Variants in ZNF589 observed in about 807,000 individuals in gnomAD.
ZNF589 encodes zinc finger protein 589.
In ZNF589, 17 loss-of-function variants were observed where a neutral mutation model predicts 13.6. The observed-to-expected ratio is 1.25, with a 90% CI of 0.86 to 1.88. The LOEUF (loss-of-function observed/expected upper bound fraction) is 1.88, where lower values mean the gene tolerates loss of function less well. Ranked by LOEUF, ZNF589 falls within the 40% of genes most tolerant of loss-of-function variation. The pLI, the probability that ZNF589 is intolerant of heterozygous loss-of-function variation, is 0.00. For missense variants in ZNF589, 407 were observed against 434.0 expected (o/e 0.94, Z 0.55); for synonymous variants, 148 against 161.6 (o/e 0.92, Z 0.64).
chr3:48,247,225 C>T (rs565907138), intron 1 of ZNF589, among the ~76,000 whole-genome samples: 5 of 151,766 alleles, frequency 3.3e-5, no homozygotes, highest in South Asian at 2.1e-4. Context: ...CTGCCTGCCT[C>T]GGCCTCCCAA....
At chr3:48,257,900 T>G (rs1420455790) in intron 2 of ZNF589, 1 of 436,980 alleles carries the variant, frequency 2.3e-6, no homozygotes, top group Non-Finnish European at 4.5e-6. Flanking sequence ...GGTTCTCTTC[T>G]ATTGATCTGT....
Position 48,269,205 on chromosome 3 carries a change from G to T in ZNF589, c.*419G>T. The T allele has an allele frequency of 7.5e-7, 1 of 1,325,432 alleles. No individual in the cohort carries two copies. Among genetic ancestry groups the T allele is most frequent in the Non-Finnish European group, 1.1e-6 (1 of 938,372 alleles). 82.1% of individuals were successfully genotyped at this position (1,325,432 alleles called of 1,614,324 possible). A position where few individuals can be genotyped will look rare whatever the true frequency, so the allele number is the denominator to read the frequency against. On this transcript the variant is annotated 3_prime_UTR_variant, in exon 4 of 4. Transcript: ENST00000354698. The stretch of plus-strand genomic sequence containing the variant: ...GAGAAGCCTTATGCATGCACGGAGT[G>T]TGGGCAAGGCTTTATCACGAAATCA...
rs1264996909 is a variant in ZNF589 at position 48,270,249 on chromosome 3, A to C, written c.*1463A>C. 2 of 457,200 alleles carry C rather than the reference A, an allele frequency of 4.4e-6. No homozygotes were observed. The highest frequency in any genetic ancestry group is 4.7e-5 in the Admixed American group (2 of 42,580). 28.3% of individuals were successfully genotyped at this position (457,200 alleles called of 1,614,324 possible). A position where few individuals can be genotyped will look rare whatever the true frequency, so the allele number is the denominator to read the frequency against. On this transcript the variant is annotated 3_prime_UTR_variant, in exon 4 of 4. Coordinates refer to ENST00000354698, the MANE Select transcript of ZNF589 (RefSeq NM_016089.3). ...GACACCTTTACCAGGTCCCCTTCCT[A>C]ACCCTCCAGTCCCAAATCCAAGATT...
In ZNF589 at chr3:48,270,197, T is replaced by G. The variant is rs1352528238; in HGVS notation, c.*1411T>G. 2.2e-6 allele frequency: 1 copy of G among 457,118 alleles called. No individual in the cohort carries two copies. Among genetic ancestry groups the G allele is most frequent in the Non-Finnish European group, 4.4e-6 (1 of 227,086 alleles). 28.3% of individuals were successfully genotyped at this position (457,118 alleles called of 1,614,324 possible). A position where few individuals can be genotyped will look rare whatever the true frequency, so the allele number is the denominator to read the frequency against. ...CCCCACCTTTAGATTTTACTCAGAGTTCAGTCTCCAGCCCTACAATCTGAG... is the reference window on the plus strand; with the variant it reads ...CCCCACCTTTAGATTTTACTCAGAGGTCAGTCTCCAGCCCTACAATCTGAG... On this transcript the variant is annotated 3_prime_UTR_variant, in exon 4 of 4. Coordinates refer to ENST00000354698, the MANE Select transcript of ZNF589 (RefSeq NM_016089.3).
At chr3:48,258,153 T>C (rs1168939720) in intron 2 of ZNF589, among the ~76,000 whole-genome samples, 1 of 152,204 alleles carries the variant, frequency 6.6e-6, no homozygotes, top group African/African-American at 2.4e-5. Context: ...TTCCAACCCA[T>C]GAACGTGCTT....
At position 48,268,625 on chromosome 3, in the gene ZNF589, G is replaced by A; in HGVS notation, c.934G>A (p.Gly312Ser). 1.9e-6 allele frequency: 3 copies of A among 1,613,986 alleles called. No homozygotes were observed. The highest frequency in any genetic ancestry group is 1.7e-6 in the Non-Finnish European group (2 of 1,180,004). The change falls in exon 4 of 4, where the codon GGC (glycine) becomes AGC (serine). Residue 312 changes from glycine to serine, a missense_variant. Physicochemically the swap from Gly to Ser is moderately conservative, Grantham distance 56 (BLOSUM62 0). Transcript: ENST00000354698. ...KPYVCSHCGR[G>S]FSCKPYLIRH... is the part of the protein sequence containing the mutation. ...TTATGTGTGCAGCCATTGTGGGCGA[G>A]GCTTTAGCTGCAAGCCATACCTCAT...
chr3:48,268,611 G>A lies in ZNF589; in HGVS notation c.920G>A (p.Ser307Asn). ...TCCGGGGAGAAACCTTATGTGTGCA[G>A]CCATTGTGGGCGAGGCTTTAGCTGC... ...THSGEKPYVC[S>N]HCGRGFSCKP... Residue 307 changes from serine to asparagine, a missense_variant, in exon 4 of 4, where the codon AGC becomes AAC. Coordinates refer to ENST00000354698, the MANE Select transcript of ZNF589 (RefSeq NM_016089.3). 6.2e-7 allele frequency: 1 copy of A among 1,613,894 alleles called. No individual in the cohort carries two copies. Among genetic ancestry groups the A allele is most frequent in the Non-Finnish European group, 8.5e-7 (1 of 1,179,992 alleles).
chr3:48,268,983 T>C lies in ZNF589; in HGVS notation c.*197T>C. On this transcript the variant is annotated 3_prime_UTR_variant, in exon 4 of 4. Transcript: ENST00000354698. ...CATGGATTTAGCCAGAAGTCGTCGC[T>C]CAAATCACATCGGAGAACACACTCA... is the stretch of plus-strand genomic sequence containing the variant. 1.2e-6 allele frequency: 1 copy of C among 816,400 alleles called. No homozygotes were observed. The highest frequency in any genetic ancestry group is 1.9e-6 in the Non-Finnish European group (1 of 513,526). 50.6% of individuals were successfully genotyped at this position (816,400 alleles called of 1,614,324 possible).
intron 3 of ZNF589, among the ~76,000 whole-genome samples, chr3:48,264,726 G>A (rs2034001929): frequency 6.6e-6 from 1 of 152,030 alleles, no homozygotes; most frequent in Non-Finnish European, 1.5e-5. Context: ...CTACTTGGGA[G>A]GCTGAGGCAA....
At chr3:48,259,377 G>A (rs7643969) in intron 2 of ZNF589, among the ~76,000 whole-genome samples, 1,717 of 152,300 alleles carry the variant, frequency 0.011, 33 homozygotes, top group African/African-American at 0.039. Flanking sequence ...AGCTCTCAGG[G>A]GAGGATGCTA....
intron 1 of ZNF589, among the ~76,000 whole-genome samples, chr3:48,246,699 C>T (rs1477289307): frequency 3.9e-5 from 6 of 152,130 alleles, no homozygotes; most frequent in African/African-American, 9.7e-5. Flanking sequence ...GACGGAGTCT[C>T]GCTCTGTCGC....
intron 1 of ZNF589, among the ~76,000 whole-genome samples, 178 bp downstream of exon 1, chr3:48,241,392 C>G (rs1156484608): frequency 6.6e-6 from 1 of 151,282 alleles, no homozygotes; most frequent in Non-Finnish European, 1.5e-5. Context: ...GTGTCCCGTA[C>G]AGTCTCCACG....
At chr3:48,257,170 G>A (rs928749261) in intron 2 of ZNF589, 1 of 378,736 alleles carries the variant, frequency 2.6e-6, no homozygotes, top group African/African-American at 2.1e-5. Context: ...GGATTCATAG[G>A]ATGGGTTAGG....
chr3:48,244,988 C>T (rs2033744613), intron 1 of ZNF589, among the ~76,000 whole-genome samples: 1 of 151,612 alleles, frequency 6.6e-6, no homozygotes, highest in South Asian at 2.1e-4. Context: ...CTAATTTTTG[C>T]GTTTTTGGTA....
At chr3:48,266,795 A>C (rs188749227) in intron 3 of ZNF589, among the ~76,000 whole-genome samples, 10 of 152,340 alleles carry the variant, frequency 6.6e-5, no homozygotes, top group Admixed American at 6.5e-4. Context: ...GCAACAGAGA[A>C]TCTTCCAAGT....
rs543600754 is a variant in ZNF589 at position 48,265,008 on chromosome 3, G to A, written c.224-2907G>A. On this transcript the variant is annotated intron_variant, in intron 3 of 3. Coordinates refer to ENST00000354698, the MANE Select transcript of ZNF589 (RefSeq NM_016089.3). ...TTTTTTTGAGACAGAGTCTTGTTCT[G>A]TCACCCAGGCTGGAGTGCGATGGTG... Among the ~76,000 whole-genome samples, 6 of 151,990 alleles carry A rather than the reference G, an allele frequency of 3.9e-5. No homozygotes were observed. In the South Asian group the frequency reaches 1.0e-3, roughly 26 times the overall value.
At chr3:48,264,495 T>C (rs953605309) in intron 3 of ZNF589, among the ~76,000 whole-genome samples, 6 of 151,524 alleles carry the variant, frequency 4.0e-5, no homozygotes, top group Admixed American at 2.6e-4. Context: ...ATCGCACCAC[T>C]GCACTCCAGC....
At position 48,269,043 on chromosome 3, in the gene ZNF589, G is replaced by A. The variant is rs1017788950; in HGVS notation, c.*257G>A. 3.7e-5 allele frequency: 25 copies of A among 675,388 alleles called. No individual in the cohort carries two copies. The highest frequency in any genetic ancestry group is 5.4e-5 in the East Asian group (2 of 36,998). 41.8% of individuals were successfully genotyped at this position (675,388 alleles called of 1,614,324 possible). A position where few individuals can be genotyped will look rare whatever the true frequency, so the allele number is the denominator to read the frequency against. On this transcript the variant is annotated 3_prime_UTR_variant, in exon 4 of 4. Transcript: ENST00000354698. ...CCTTATGTGTGTGGGGAATGTGGGC[G>A]GGGATTTAGCCGGAGGATAGTCCTC... is the stretch of plus-strand genomic sequence containing the variant.
intron 2 of ZNF589, among the ~76,000 whole-genome samples, chr3:48,250,521 G>T (rs1476881448): frequency 6.6e-6 from 1 of 151,476 alleles, no homozygotes; most frequent in Non-Finnish European, 1.5e-5. Context: ...GCCCACGCTG[G>T]AGTACAGTGA....
Sources: allele counts gnomAD v4.1 joint callset (sites outside exome capture counted in the v4.1 genomes callset), GRCh38; gene constraint gnomAD v4.1.1; transcripts MANE v1.5; gene names NCBI Gene and HGNC (gene_info 2026-07-23, HGNC 2026-07-21).